GMDS: variants seen among roughly 807,000 people sequenced by gnomAD.
GMDS encodes the protein GDP-mannose 4,6 dehydratase.
Under a neutral mutation model 49.9 loss-of-function variants are expected in GMDS, and 20 were observed. The observed-to-expected ratio is 0.40, with a 90% CI of 0.28 to 0.58. The LOEUF is 0.58. GMDS is among the 20% of genes least tolerant of loss of function. The pLI, the probability that GMDS is intolerant of heterozygous loss-of-function variation, is 0.42. For synonymous variants in GMDS, 177 were observed against 178.6 expected, an observed-to-expected ratio of 0.99 and a Z score of 0.07; for missense variants, 362 against 481.4, an observed-to-expected ratio of 0.75 and a Z score of 2.32.
At chr6:1,756,513 C>G (rs1215732500) in intron 7 of GMDS, among the ~76,000 whole-genome samples, 1 of 152,184 alleles carries the variant, frequency 6.6e-6, no homozygotes, top group East Asian at 1.9e-4. Context: ...CTCAGGTGAT[C>G]TGCCCGCCTC....
chr6:2,100,563 G>A (rs974198840), intron 4 of GMDS, among the ~76,000 whole-genome samples: 3 of 151,916 alleles, frequency 2.0e-5, no homozygotes, highest in African/African-American at 4.8e-5. Context: ...AGATTATTCC[G>A]TAAAATATTT....
intron 9 of GMDS, among the ~76,000 whole-genome samples, chr6:1,684,191 G>A (rs1428728931): frequency 6.6e-6 from 1 of 152,158 alleles, no homozygotes; most frequent in Non-Finnish European, 1.5e-5. Flanking sequence ...ACCGTGCTGT[G>A]TGAGCATCCG....
chr6:2,212,988 G>A (rs2127584198), intron 1 of GMDS, among the ~76,000 whole-genome samples: 1 of 152,150 alleles, frequency 6.6e-6, no homozygotes, highest in Non-Finnish European at 1.5e-5. Flanking sequence ...ATCCCCTAAG[G>A]TTACTCCCTT....
chr6:1,940,033 C>T (rs1762746609), intron 6 of GMDS, among the ~76,000 whole-genome samples: 1 of 152,074 alleles, frequency 6.6e-6, no homozygotes, highest in Admixed American at 6.5e-5. Context: ...AGGAAGAAAC[C>T]CTACAGGAGG....
chr6:1,749,840 A>AT (rs1466200554), intron 7 of GMDS, among the ~76,000 whole-genome samples: 9 of 151,490 alleles, frequency 5.9e-5, no homozygotes, highest in Non-Finnish European at 1.0e-4. Context: ...ATACTTTTTC[A>AT]TTTTTTTTGT....
intron 7 of GMDS, among the ~76,000 whole-genome samples, chr6:1,846,086 T>C (rs912720146): frequency 6.7e-6 from 1 of 149,930 alleles, no homozygotes; most frequent in African/African-American, 2.5e-5. Flanking sequence ...GTTTCTTTTT[T>C]TTTTTTTTTT....
At chr6:1,826,326 G>A (rs1455795304) in intron 7 of GMDS, among the ~76,000 whole-genome samples, 2 of 152,114 alleles carry the variant, frequency 1.3e-5, no homozygotes, top group Non-Finnish European at 2.9e-5. Flanking sequence ...TGACCGAAAC[G>A]TCATTATGTG....
Position 1,812,057 on chromosome 6 carries a change from A to G in GMDS, c.772-69471T>C, listed in dbSNP as rs78419005. On this transcript the variant is annotated intron_variant, in intron 7 of 10. Transcript: ENST00000380815. ...GGGAAGAGATCTACAATTAAGATCT[A>G]ATAAATGCTAAATACAGATCTGCAC... 2.0e-5 allele frequency among the ~76,000 whole-genome samples: 3 copies of G among 152,350 alleles called. No homozygotes were observed. The East Asian group carries it at 5.8e-4, about 29-fold the overall frequency.
chr6:1,760,294 T>C (rs1333628232), intron 7 of GMDS, among the ~76,000 whole-genome samples: 1 of 152,258 alleles, frequency 6.6e-6, no homozygotes, highest in African/African-American at 2.4e-5. Context: ...ATAGGACTTC[T>C]GGACCACGAG....
rs1224533876 is a variant in GMDS at position 1,674,545 on chromosome 6, A to ACT, written c.988-50007_988-50006dup. 1.1e-4 allele frequency among the ~76,000 whole-genome samples: 13 copies of ACT among 123,366 alleles called. 1 individual carries two copies. The highest frequency in any genetic ancestry group is 3.0e-4 in the South Asian group (1 of 3,330). 80.9% of individuals were successfully genotyped at this position (123,366 alleles called of 152,430 possible). A position where few individuals can be genotyped will look rare whatever the true frequency, so the allele number is the denominator to read the frequency against. On this transcript the variant is annotated intron_variant, in intron 9 of 10. Transcript: ENST00000380815. ...ATTTTTCTGAAGTTCCAACTCATCA[A>ACT]CTCTCTCTCTCTCTCTTTTTTTTTT...
In GMDS at chr6:2,064,576, C is replaced by T. The variant is rs973232243; in HGVS notation, c.345+51195G>A. Among the ~76,000 whole-genome samples, 3 of 152,068 alleles carry T rather than the reference C, an allele frequency of 2.0e-5. 1 individual carries two copies. The highest frequency in any genetic ancestry group is 6.6e-5 in the Admixed American group (1 of 15,266). On this transcript the variant is annotated intron_variant, in intron 4 of 10. Transcript: ENST00000380815. The stretch of plus-strand genomic sequence containing the variant: ...CTAGGATCCCAAAGGACCTCCTCCC[C>T]GATTCCCTACAATTTCTTCTATATT...
intron 1 of GMDS, among the ~76,000 whole-genome samples, chr6:2,138,524 C>T (rs1412997001): frequency 6.6e-6 from 1 of 152,096 alleles, no homozygotes; most frequent in African/African-American, 2.4e-5. Context: ...AGATTTCTGT[C>T]CCTCCAAATC....
At chr6:2,041,070 A>G (rs1769646290) in intron 4 of GMDS, among the ~76,000 whole-genome samples, 1 of 152,234 alleles carries the variant, frequency 6.6e-6, no homozygotes. Flanking sequence ...TCTCCCCTAC[A>G]GAGACAACTT....
chr6:1,644,688 A>G (rs1158893164), intron 9 of GMDS, among the ~76,000 whole-genome samples: 1 of 152,140 alleles, frequency 6.6e-6, no homozygotes, highest in Non-Finnish European at 1.5e-5. Context: ...TTTATGGCGA[A>G]GAGGAGGGAC....
intron 9 of GMDS, among the ~76,000 whole-genome samples, chr6:1,656,417 C>T (rs1763881701): frequency 6.6e-6 from 1 of 152,142 alleles, no homozygotes; most frequent in Non-Finnish European, 1.5e-5. Flanking sequence ...AATCAGTATA[C>T]ATGGTCATGT....
At chr6:1,861,607 G>A (rs1758184987) in intron 7 of GMDS, among the ~76,000 whole-genome samples, 1 of 149,166 alleles carries the variant, frequency 6.7e-6, no homozygotes, top group Non-Finnish European at 1.5e-5. Context: ...GGGCATCACT[G>A]CTCTTTCTCC....
At chr6:1,628,203 A>G (rs1762900757) in intron 9 of GMDS, among the ~76,000 whole-genome samples, 1 of 152,242 alleles carries the variant, frequency 6.6e-6, no homozygotes, top group Non-Finnish European at 1.5e-5. Flanking sequence ...CAAATGCTGG[A>G]AAAGTCATTA....
In GMDS at chr6:1,876,024, A is replaced by AG. The variant is rs1291292094; in HGVS notation, c.771+54078_771+54079insC. 2.7e-5 allele frequency among the ~76,000 whole-genome samples: 4 copies of AG among 150,100 alleles called. 1 individual carries two copies. In the East Asian group the frequency reaches 7.7e-4, roughly 29 times the overall value. ...CGAGAGAGCACTATCTCAAAAAAAA[A>AG]AAAGAAAAGAAAAGAAAAAAAATGT... On this transcript the variant is annotated intron_variant, in intron 7 of 10. Coordinates refer to ENST00000380815, the MANE Select transcript of GMDS (RefSeq NM_001500.4).
At chr6:2,031,356 T>C (rs1768951906) in intron 4 of GMDS, among the ~76,000 whole-genome samples, 1 of 152,144 alleles carries the variant, frequency 6.6e-6, no homozygotes, top group South Asian at 2.1e-4. Flanking sequence ...CTAGGTATCC[T>C]AGATACTAAA....
Sources: gnomAD v4.1 joint callset for allele counts (sites outside exome capture counted in the v4.1 genomes callset) on GRCh38, gnomAD v4.1.1 for gene constraint, MANE v1.5 for transcripts, NCBI Gene and HGNC (gene_info 2026-07-23, HGNC 2026-07-21) for gene names.